The following MCCC1 variants were observed in gnomAD, a reference collection of about 807,000 sequenced individuals.
MCCC1 encodes methylcrotonyl-CoA carboxylase subunit 1, also known as methylcrotonoyl-CoA carboxylase subunit alpha, mitochondrial.
Under a neutral mutation model 83.8 loss-of-function variants are expected in MCCC1, and 64 were observed. That is an observed-to-expected ratio of 0.76 (90% CI 0.62 to 0.94). MCCC1 has a LOEUF of 0.94. Among genes scored for constraint, MCCC1 ranks in the 40% least tolerant of loss-of-function variants. MCCC1 has a pLI of 0.00. For missense variants in MCCC1, 807 were observed against 904.7 expected, an observed-to-expected ratio of 0.89 and a Z score of 1.39; for synonymous variants, 322 against 315.4, an observed-to-expected ratio of 1.02 and a Z score of -0.22.
chr3:183,042,127 A>T (rs555318183), intron 10 of MCCC1, among the ~76,000 whole-genome samples: 215 of 152,218 alleles, frequency 1.4e-3, no homozygotes, highest in African/African-American at 4.3e-3. Flanking sequence ...AATTTTTTTT[A>T]AAAAATAGTA....
chr3:183,092,572 C>A (rs1271679893), intron 2 of MCCC1, 27 bp from the exon 3 acceptor site: 1 of 1,613,768 alleles, frequency 6.2e-7, no homozygotes, highest in East Asian at 2.2e-5. Context: ...GAAAATCACA[C>A]AGAAATGTTA....
At chr3:183,090,986 G>A in intron 3 of MCCC1, 1 of 456,666 alleles carries the variant, frequency 2.2e-6, no homozygotes, top group Non-Finnish European at 4.4e-6. Context: ...AGATTCTGTG[G>A]CAGGAACCTC....
upstream of MCCC1, among the ~76,000 whole-genome samples, chr3:183,104,324 G>A (rs114012814): frequency 6.6e-6 from 1 of 152,004 alleles, no homozygotes; most frequent in African/African-American, 2.4e-5. Flanking sequence ...TCACCATGTT[G>A]GCCAAGCTGT....
intron 4 of MCCC1, among the ~76,000 whole-genome samples, chr3:183,072,974 A>G (rs540870594): frequency 1.3e-5 from 2 of 152,238 alleles, no homozygotes; most frequent in Non-Finnish European, 1.5e-5. Flanking sequence ...TTCACCTAGC[A>G]TAATGTTTTC....
At chr3:183,088,140 T>C (rs1170505203) in intron 3 of MCCC1, among the ~76,000 whole-genome samples, 1 of 151,644 alleles carries the variant, frequency 6.6e-6, no homozygotes, top group Non-Finnish European at 1.5e-5. Context: ...TAAAAAGCTT[T>C]GGGCTTTCTC....
chr3:183,092,643 A>ATT (rs1234944273), intron 2 of MCCC1, 98 bp from the exon 3 acceptor site: 3 of 1,507,530 alleles, frequency 2.0e-6, no homozygotes, highest in Non-Finnish European at 1.8e-6. Flanking sequence ...GACTCGACTG[A>ATT]TAAGTTCAAG....
chr3:183,027,416 C>G (rs1400488236), intron 14 of MCCC1, among the ~76,000 whole-genome samples: 1 of 152,126 alleles, frequency 6.6e-6, no homozygotes, highest in Non-Finnish European at 1.5e-5. Context: ...TGAGATAAGC[C>G]AAAAGTTAGG....
At chr3:183,108,882 C>A (rs1418964268) in intron 1 of MCCC1, among the ~76,000 whole-genome samples, 4 of 152,182 alleles carry the variant, frequency 2.6e-5, no homozygotes, top group Non-Finnish European at 5.9e-5. Context: ...AGGAATGACC[C>A]ATTACAGCAT....
rs1711704972 is a variant in MCCC1, at chr3:183,017,147, T to G, written c.2049+119A>C. On this transcript the variant is annotated intron_variant, in intron 18 of 18. Coordinates refer to ENST00000265594, the MANE Select transcript of MCCC1 (RefSeq NM_020166.5). ...TGGTTTTGTTTCCTACAATTAATGCTTCGTCAATCATGGCTTTTCATATTT... is the reference window on the plus strand; with the variant it reads ...TGGTTTTGTTTCCTACAATTAATGCGTCGTCAATCATGGCTTTTCATATTT... 4.3e-6 allele frequency: 4 copies of G among 929,526 alleles called. No homozygotes were observed. The South Asian group carries it at 5.3e-5, about 12-fold the overall frequency. The allele number at this position is 929,526 out of a possible 1,614,324, so 57.6% of individuals were successfully genotyped here. A position where few individuals can be genotyped will look rare whatever the true frequency, so the allele number is the denominator to read the frequency against.
At chr3:183,018,986 G>A (rs1711923330) in intron 17 of MCCC1, among the ~76,000 whole-genome samples, 1 of 152,212 alleles carries the variant, frequency 6.6e-6, no homozygotes, top group African/African-American at 2.4e-5. Context: ...CTAAGTGGGA[G>A]ACTAACAGAG....
chr3:183,087,869 CAAA>C (rs1223603175), intron 3 of MCCC1, among the ~76,000 whole-genome samples: 4 of 51,320 alleles, frequency 7.8e-5, no homozygotes, highest in Admixed American at 2.0e-4. Context: ...GACTCCTTCT[CAAA>C]AAAAAAAAAA....
chr3:183,111,570 G>T (rs1197388673), intron 1 of MCCC1, among the ~76,000 whole-genome samples: 1 of 152,194 alleles, frequency 6.6e-6, no homozygotes, highest in African/African-American at 2.4e-5. Context: ...AAAGTGCTGG[G>T]ATTACAGGCG....
Position 183,017,222 on chromosome 3 carries a change from T to G in MCCC1, c.2049+44A>C, listed in dbSNP as rs779839852. On this transcript the variant is annotated intron_variant, in intron 18 of 18. Transcript: ENST00000265594. ...AGGCAAAAGAACCATTAGGTATGAT[T>G]GCTCCCAAAGTCCTCATAGCAAATG... The G allele has an allele frequency of 1.1e-5, 17 of 1,539,670 alleles. No individual in the cohort carries two copies. In the South Asian group the frequency reaches 1.7e-4, roughly 15 times the overall value.
At chr3:183,046,143 C>A (rs1323121037) in intron 9 of MCCC1, among the ~76,000 whole-genome samples, 5 of 152,188 alleles carry the variant, frequency 3.3e-5, no homozygotes, top group African/African-American at 9.7e-5. Flanking sequence ...CACAGAACCA[C>A]AATGAAACTA....
At chr3:183,104,015 C>T (rs533206753), upstream of MCCC1, among the ~76,000 whole-genome samples, 19 of 152,240 alleles carry the variant, frequency 1.2e-4, no homozygotes, top group African/African-American at 2.9e-4. Flanking sequence ...TGCCCCGGGC[C>T]GGCAGGGCCG....
chr3:183,080,856 A>G (rs1056533448), intron 4 of MCCC1, among the ~76,000 whole-genome samples: 3 of 152,200 alleles, frequency 2.0e-5, no homozygotes, highest in South Asian at 2.1e-4. Flanking sequence ...AGAGAGCTTG[A>G]GCAGGGAAAC....
intron 17 of MCCC1, among the ~76,000 whole-genome samples, chr3:183,019,014 CACTATGAGAGGCCTGT>C (rs1434812379): frequency 6.6e-6 from 1 of 152,192 alleles, no homozygotes; most frequent in Non-Finnish European, 1.5e-5. Context: ...GAGATGCCTG[CACTATGAGAGGCCTGT>C]GGGAACTGAA....
chr3:183,085,833 G>T (rs1367365001), intron 4 of MCCC1, among the ~76,000 whole-genome samples: 1 of 151,980 alleles, frequency 6.6e-6, no homozygotes, highest in Non-Finnish European at 1.5e-5. Flanking sequence ...GTCACTGTAG[G>T]GAAACTTGAA....
intron 18 of MCCC1, among the ~76,000 whole-genome samples, chr3:183,016,056 G>A (rs1243634099): frequency 6.6e-6 from 1 of 151,394 alleles, no homozygotes; most frequent in South Asian, 2.1e-4. Context: ...AGCCTCCCAA[G>A]TAACTGGGAC....
Sources: allele counts gnomAD v4.1 joint callset (sites outside exome capture counted in the v4.1 genomes callset), GRCh38; gene constraint gnomAD v4.1.1; transcripts MANE v1.5; gene names NCBI Gene and HGNC (gene_info 2026-07-23, HGNC 2026-07-21).